Variants in SLC35F3 observed in about 807,000 individuals in gnomAD.
The protein encoded by SLC35F3 is solute carrier family 35 member F3.
Under a neutral mutation model 49.9 loss-of-function variants are expected in SLC35F3, and 25 were observed. That is an observed-to-expected ratio of 0.50 (90% CI 0.37 to 0.70). SLC35F3 has a LOEUF of 0.70. Among genes scored for constraint, SLC35F3 ranks in the 30% least tolerant of loss-of-function variants. The probability of loss-of-function intolerance (pLI) is 0.00; values close to 1 mark genes in which losing one functional copy is unlikely to be tolerated. For missense variants in SLC35F3, 525 were observed against 639.8 expected (o/e 0.82, Z 1.94); for synonymous variants, 275 against 265.4 (o/e 1.04, Z -0.35).
At chr1:233,980,243 A>C (rs1663159542) in intron 2 of SLC35F3, among the ~76,000 whole-genome samples, 1 of 152,216 alleles carries the variant, frequency 6.6e-6, no homozygotes, top group African/African-American at 2.4e-5. Context: ...TGCATCTACT[A>C]TATACCAGAC....
intron 2 of SLC35F3, among the ~76,000 whole-genome samples, chr1:234,054,141 G>A (rs1333198118): frequency 3.3e-5 from 5 of 152,178 alleles, no homozygotes; most frequent in African/African-American, 9.7e-5. Flanking sequence ...CTCTCGAGGA[G>A]TATCTTTGTG....
intron 2 of SLC35F3, among the ~76,000 whole-genome samples, chr1:234,012,085 A>C (rs1013874039): frequency 6.6e-6 from 1 of 152,190 alleles, no homozygotes; most frequent in African/African-American, 2.4e-5. Flanking sequence ...TGAGCAAAAG[A>C]ATCTGTGTCA....
At chr1:234,092,091 C>G in intron 2 of SLC35F3, among the ~76,000 whole-genome samples, 1 of 152,190 alleles carries the variant, frequency 6.6e-6, no homozygotes, top group Non-Finnish European at 1.5e-5. Context: ...GCAGCCAACC[C>G]TGGAGAAAAG....
At chr1:234,004,854 T>C (rs1663606291) in intron 2 of SLC35F3, among the ~76,000 whole-genome samples, 1 of 152,108 alleles carries the variant, frequency 6.6e-6, no homozygotes, top group Non-Finnish European at 1.5e-5. Context: ...TCAAATGGCT[T>C]TTCTACCTTA....
intron 2 of SLC35F3, among the ~76,000 whole-genome samples, chr1:234,021,670 G>A (rs922109987): frequency 6.6e-6 from 1 of 152,194 alleles, no homozygotes; most frequent in African/African-American, 2.4e-5. Context: ...TGAAACTTGG[G>A]AAAGAGCTTA....
intron 2 of SLC35F3, among the ~76,000 whole-genome samples, chr1:234,079,729 T>C (rs1269097295): frequency 2.6e-5 from 4 of 152,220 alleles, no homozygotes; most frequent in African/African-American, 9.6e-5. Flanking sequence ...TTATGATGAC[T>C]AGAATAAAAC....
intron 2 of SLC35F3, among the ~76,000 whole-genome samples, chr1:233,914,085 T>C (rs1661928863): frequency 1.3e-5 from 2 of 152,148 alleles, no homozygotes; most frequent in South Asian, 4.1e-4. Context: ...TGCCCTGTAC[T>C]ACATCCTCCG....
intron 2 of SLC35F3, among the ~76,000 whole-genome samples, chr1:233,964,863 A>AT (rs1447618873): frequency 2.0e-5 from 3 of 152,168 alleles, no homozygotes; most frequent in African/African-American, 7.2e-5. Flanking sequence ...AACTGCTGTG[A>AT]TTGAGAATTC....
intron 7 of SLC35F3, among the ~76,000 whole-genome samples, chr1:234,321,195 C>A (rs1357252025): frequency 6.6e-6 from 1 of 152,176 alleles, no homozygotes; most frequent in Non-Finnish European, 1.5e-5. Context: ...CACCATGGCC[C>A]AGACTCCCCC....
intron 2 of SLC35F3, among the ~76,000 whole-genome samples, chr1:234,116,768 C>T (rs924680273): frequency 1.3e-5 from 2 of 152,210 alleles, no homozygotes; most frequent in Non-Finnish European, 2.9e-5. Context: ...CCCGCCTTGG[C>T]CTCCCAAAGT....
intron 2 of SLC35F3, among the ~76,000 whole-genome samples, chr1:234,054,512 A>G (rs149835358): frequency 2.0e-4 from 31 of 152,236 alleles, no homozygotes; most frequent in Middle Eastern, 3.4e-3. Context: ...GGTCTTCTCT[A>G]TGCTGTTTAT....
At chr1:233,993,232 A>G (rs749810044) in intron 2 of SLC35F3, among the ~76,000 whole-genome samples, 19 of 152,050 alleles carry the variant, frequency 1.2e-4, no homozygotes, top group Non-Finnish European at 2.4e-4. Flanking sequence ...CTCCCAAAGT[A>G]CTGGGATTAC....
In SLC35F3 at chr1:234,227,138, G is replaced by A. The variant is rs572200784; in HGVS notation, c.284-4279G>A. On this transcript the variant is annotated intron_variant, in intron 2 of 7. Transcript: ENST00000366618. ...CCACAATTACAGCGTCTGTCAGCAC[G>A]AGCATTGGGCCAGAGTGTATAATCT... Among the ~76,000 whole-genome samples, 136 of 152,284 alleles carry A rather than the reference G, an allele frequency of 8.9e-4. 1 individual carries two copies. The highest frequency in any genetic ancestry group is 1.5e-3 in the Non-Finnish European group (104 of 68,026).
chr1:234,121,877 T>C (rs1331016843), intron 2 of SLC35F3, among the ~76,000 whole-genome samples: 1 of 152,228 alleles, frequency 6.6e-6, no homozygotes, highest in Non-Finnish European at 1.5e-5. Flanking sequence ...TCCACATCGC[T>C]ACAAAGGACA....
chr1:234,228,657 G>A (rs1667322900), intron 2 of SLC35F3, among the ~76,000 whole-genome samples: 1 of 152,108 alleles, frequency 6.6e-6, no homozygotes. Flanking sequence ...AACACAGTGT[G>A]ATCCCAATTT....
At chr1:234,053,606 CTG>C (rs1349985778) in intron 2 of SLC35F3, among the ~76,000 whole-genome samples, 5 of 152,138 alleles carry the variant, frequency 3.3e-5, no homozygotes, top group African/African-American at 4.8e-5. Context: ...GTTTGCCAGT[CTG>C]TGTCTTTTAA....
chr1:233,987,836 T>G (rs1167756375), intron 2 of SLC35F3, among the ~76,000 whole-genome samples: 1 of 152,178 alleles, frequency 6.6e-6, no homozygotes, highest in African/African-American at 2.4e-5. Flanking sequence ...TACAGAGATT[T>G]CTCCAAATTT....
At chr1:234,183,070 G>T (rs1322302711) in intron 2 of SLC35F3, among the ~76,000 whole-genome samples, 1 of 143,058 alleles carries the variant, frequency 7.0e-6, no homozygotes, top group African/African-American at 2.4e-5. Context: ...AGGCTAGAGT[G>T]CAGTGGCACA....
chr1:234,033,896 A>G (rs1416364914), intron 2 of SLC35F3, among the ~76,000 whole-genome samples: 1 of 152,190 alleles, frequency 6.6e-6, no homozygotes, highest in African/African-American at 2.4e-5. Context: ...GTGAAGAATG[A>G]CAATGGTGTT....
Sources: gnomAD v4.1 joint callset for allele counts (sites outside exome capture counted in the v4.1 genomes callset) on GRCh38, gnomAD v4.1.1 for gene constraint, MANE v1.5 for transcripts, NCBI Gene and HGNC (gene_info 2026-07-23, HGNC 2026-07-21) for gene names.